GDPD4: variants seen among roughly 807,000 people sequenced by gnomAD.
GDPD4 encodes glycerophosphodiester phosphodiesterase 6.
Under a neutral mutation model 67.8 loss-of-function variants are expected in GDPD4, and 60 were observed. That is an observed-to-expected ratio of 0.88 (90% CI 0.72 to 1.10). GDPD4 has a LOEUF of 1.10. Ranked by LOEUF, GDPD4 falls within the 50% of genes least tolerant of loss-of-function variation. GDPD4 has a pLI of 0.00. For synonymous variants in GDPD4, 212 were observed against 210.9 expected (o/e 1.00, Z -0.04); for missense variants, 623 against 613.9 (o/e 1.01, Z -0.16).
Position 77,216,707 on chromosome 11 carries a change from T to G in GDPD4, c.*570A>C, listed in dbSNP as rs1794040636. The G allele has an allele frequency of 1.7e-6, 1 of 572,334 alleles. No individual in the cohort carries two copies. The highest frequency in any genetic ancestry group is 3.1e-5 in the Admixed American group (1 of 32,518). The allele number at this position is 572,334 out of a possible 1,614,324, so 35.5% of individuals were successfully genotyped here. A position where few individuals can be genotyped will look rare whatever the true frequency, so the allele number is the denominator to read the frequency against. ...TTGCCTAGCCCCTTGAGATGCATTC[T>G]TGATAGCGAGAGCACAATGGTTCCC... On this transcript the variant is annotated 3_prime_UTR_variant, in exon 17 of 17. Coordinates refer to ENST00000315938, the MANE Select transcript of GDPD4 (RefSeq NM_182833.3).
chr11:77,241,580 G>C (rs189463280), intron 13 of GDPD4, among the ~76,000 whole-genome samples: 2 of 145,666 alleles, frequency 1.4e-5, no homozygotes, highest in Non-Finnish European at 3.0e-5. Context: ...AGAGGCTGCA[G>C]TGAGCCAAGA....
intron 13 of GDPD4, 54 bp from the exon 14 acceptor site, chr11:77,233,226 T>C: frequency 6.4e-7 from 1 of 1,561,934 alleles, no homozygotes; most frequent in Non-Finnish European, 8.8e-7. Context: ...ATTCTCATCA[T>C]CTAAAAGGAG....
At chr11:77,229,431 C>G (rs1958412168) in intron 14 of GDPD4, among the ~76,000 whole-genome samples, 199 bp from the exon 15 acceptor site, 1 of 152,188 alleles carries the variant, frequency 6.6e-6, no homozygotes, top group East Asian at 1.9e-4. Flanking sequence ...CTTATACATG[C>G]AGGGGGCTCT....
At chr11:77,249,062 C>G (rs1237216316) in intron 11 of GDPD4, among the ~76,000 whole-genome samples, 1 of 151,312 alleles carries the variant, frequency 6.6e-6, no homozygotes, top group South Asian at 2.1e-4. Flanking sequence ...GTCAAGAGAT[C>G]GAGACCATCC....
chr11:77,217,486 T>C (rs1958146642), intron 16 of GDPD4, among the ~76,000 whole-genome samples, 172 bp from the exon 17 acceptor site: 1 of 147,198 alleles, frequency 6.8e-6, no homozygotes, highest in Non-Finnish European at 1.5e-5. Context: ...ATTATGGCCC[T>C]CCAATTCAGC....
chr11:77,243,008 T>TC (rs1227287841), intron 13 of GDPD4, among the ~76,000 whole-genome samples: 1 of 152,028 alleles, frequency 6.6e-6, no homozygotes. Flanking sequence ...CCTCTGTCCC[T>TC]CCCCAAGGAA....
intron 7 of GDPD4, 31 bp downstream of exon 7, chr11:77,271,099 A>C: frequency 3.4e-6 from 5 of 1,472,728 alleles, no homozygotes; most frequent in Non-Finnish European, 4.7e-6. Flanking sequence ...GAGCTGAAGA[A>C]ATAGGCAGGG....
intron 4 of GDPD4, among the ~76,000 whole-genome samples, chr11:77,277,353 C>G (rs1959519681): frequency 6.8e-6 from 1 of 147,398 alleles, no homozygotes; most frequent in Non-Finnish European, 1.5e-5. Context: ...CTTTCCAGGC[C>G]TTCCAAAATC....
intron 3 of GDPD4, 48 bp from the exon 4 acceptor site, chr11:77,279,447 G>T: frequency 8.5e-7 from 1 of 1,180,204 alleles, no homozygotes; most frequent in Non-Finnish European, 1.3e-6. Context: ...GAAATCAGTA[G>T]CATCTGTGTC....
intron 15 of GDPD4, among the ~76,000 whole-genome samples, chr11:77,228,432 G>C (rs1389379176): frequency 1.3e-5 from 2 of 149,140 alleles, no homozygotes; most frequent in Non-Finnish European, 1.5e-5. Context: ...CCCAGGAGGC[G>C]GAGGTTGCAG....
chr11:77,271,280 T>C lies in GDPD4; in HGVS notation c.306+15A>G. The C allele has an allele frequency of 6.2e-7, 1 of 1,609,732 alleles. No individual in the cohort carries two copies. The highest frequency in any genetic ancestry group is 8.5e-7 in the Non-Finnish European group (1 of 1,175,976). Reference sequence around the variant, plus strand: ...ATCTAGACAGCTAGTGCTGGAGCTATAGGATGATGCTTACCTGCATTGACA... The same window carrying C: ...ATCTAGACAGCTAGTGCTGGAGCTACAGGATGATGCTTACCTGCATTGACA... On this transcript the variant is annotated intron_variant, in intron 6 of 16. Coordinates refer to ENST00000315938, the MANE Select transcript of GDPD4 (RefSeq NM_182833.3).
At chr11:77,252,255 G>C (rs1230251315) in intron 11 of GDPD4, among the ~76,000 whole-genome samples, 1 of 151,760 alleles carries the variant, frequency 6.6e-6, no homozygotes, top group African/African-American at 2.4e-5. Context: ...GTAGAGACAG[G>C]GTTTCAGTAT....
In GDPD4 at chr11:77,240,315, G is replaced by A. The variant is rs192634445; in HGVS notation, c.1241+3379C>T. On this transcript the variant is annotated intron_variant, in intron 13 of 16. Transcript: ENST00000315938. ...ACACATACCAGTGGAACAGAATAGAGAGCCCAGATGTAAATTCAAATCGTT... is the reference window on the plus strand; with the variant it reads ...ACACATACCAGTGGAACAGAATAGAAAGCCCAGATGTAAATTCAAATCGTT... Among the ~76,000 whole-genome samples the A allele has an allele frequency of 3.9e-5, 6 of 152,196 alleles. No individual in the cohort carries two copies. The East Asian group carries it at 7.7e-4, about 20-fold the overall frequency.
At chr11:77,258,609 C>A (rs1780022943) in intron 10 of GDPD4, 67 bp from the exon 11 acceptor site, 1 of 1,477,352 alleles carries the variant, frequency 6.8e-7, no homozygotes, top group Non-Finnish European at 9.4e-7. Context: ...GGTAGACAGG[C>A]TCCCCAGACA....
chr11:77,254,163 T>C (rs1958959063), intron 11 of GDPD4, among the ~76,000 whole-genome samples: 1 of 152,142 alleles, frequency 6.6e-6, no homozygotes. Flanking sequence ...GGAACACAGT[T>C]GTATGGCCTC....
At chr11:77,228,346 TA>T (rs1437284245) in intron 15 of GDPD4, among the ~76,000 whole-genome samples, 7 of 150,066 alleles carry the variant, frequency 4.7e-5, no homozygotes, top group Admixed American at 2.0e-4. Context: ...AAAATATTTT[TA>T]AAAAAAATTA....
rs771922600 is a variant in GDPD4, at chr11:77,279,314, A to G, written c.139T>C (p.Leu47=). 3.6e-5 allele frequency: 58 copies of G among 1,601,428 alleles called. No homozygotes were observed. The highest frequency in any genetic ancestry group is 3.3e-4 in the Middle Eastern group (2 of 6,058). ...LARILTAYSS[L]LLLLGFLLLW... is the part of the protein sequence containing the mutation. ...TGAGAAGCATTACTCACCAACAGCAATGAAGAGTAGGCAGTCAGGATCCTA... is the reference window on the plus strand; with the variant it reads ...TGAGAAGCATTACTCACCAACAGCAGTGAAGAGTAGGCAGTCAGGATCCTA... Residue 47 remains leucine, a synonymous_variant, in exon 4 of 17, where the codon TTG becomes CTG. Coordinates refer to ENST00000315938, the MANE Select transcript of GDPD4 (RefSeq NM_182833.3).
intron 2 of GDPD4, chr11:77,286,886 T>C (rs1029409772): frequency 2.0e-5 from 3 of 152,200 alleles, no homozygotes; most frequent in Admixed American, 6.5e-5. Flanking sequence ...ATCCCTGTAA[T>C]CCGTAACCAA....
At chr11:77,296,192 A>G (rs1365181707) in intron 1 of GDPD4, among the ~76,000 whole-genome samples, 3 of 144,804 alleles carry the variant, frequency 2.1e-5, no homozygotes, top group Admixed American at 7.0e-5. Flanking sequence ...TGGAGCTTGC[A>G]GTGAGCAGAG....
Sources: allele counts gnomAD v4.1 joint callset (sites outside exome capture counted in the v4.1 genomes callset), GRCh38; gene constraint gnomAD v4.1.1; transcripts MANE v1.5; gene names NCBI Gene and HGNC (gene_info 2026-07-23, HGNC 2026-07-21).